The following AGAP1 variants were observed in gnomAD, a reference collection of about 807,000 sequenced individuals.
The protein encoded by AGAP1 is ArfGAP with GTPase domain, ankyrin repeat and PH domain 1, also known as arf-GAP with GTPase, ANK repeat and PH domain-containing protein 1.
Under a neutral mutation model 105.3 loss-of-function variants are expected in AGAP1, and 29 were observed. The observed-to-expected ratio is 0.28, with a 90% CI of 0.21 to 0.38. AGAP1 has a LOEUF of 0.38. AGAP1 is among the 10% of genes least tolerant of loss of function. AGAP1 has a pLI of 1.00. For missense variants in AGAP1, 998 were observed against 1,165.1 expected (o/e 0.86, Z 2.09); for synonymous variants, 509 against 485.9 (o/e 1.05, Z -0.63).
rs1258278575 is a variant in AGAP1, at chr2:235,887,770, T to G, written c.1155+4321T>G. 6.6e-6 allele frequency among the ~76,000 whole-genome samples: 1 copy of G among 152,246 alleles called. No individual in the cohort carries two copies. The highest frequency in any genetic ancestry group is 1.5e-5 in the Non-Finnish European group (1 of 68,046). On this transcript the variant is annotated intron_variant, in intron 10 of 17. Coordinates refer to ENST00000304032, the MANE Select transcript of AGAP1 (RefSeq NM_001037131.3). The surrounding 1 kb of genome is among the most constrained non-coding windows in gnomAD (Gnocchi z 4.1). ...TGCACCGATTCCTGGTGTATACCAC[T>G]AATTTAAGAAGCCCAGGTAATTAGT...
At chr2:235,798,564 C>T (rs1957348668) in intron 7 of AGAP1, among the ~76,000 whole-genome samples, 1 of 152,008 alleles carries the variant, frequency 6.6e-6, no homozygotes. Flanking sequence ...ATTGTCAGAG[C>T]CTGTCAAGGT....
rs565701985 is a variant in AGAP1, at chr2:235,631,475, C to T, written c.164-77704C>T. 5.9e-5 allele frequency among the ~76,000 whole-genome samples: 9 copies of T among 152,284 alleles called. No homozygotes were observed. The highest frequency in any genetic ancestry group is 2.1e-4 in the South Asian group (1 of 4,822). On this transcript the variant is annotated intron_variant, in intron 1 of 17. Coordinates refer to ENST00000304032, the MANE Select transcript of AGAP1 (RefSeq NM_001037131.3). The surrounding 1 kb of genome is among the most constrained non-coding windows in gnomAD (Gnocchi z 5.4). ...AGAGAGGGTTTCTGGGTCCCAGGAC[C>T]GGACTGCGTGGTCCTGGTTATACCT...
At chr2:235,525,218 C>G (rs150066149) in intron 1 of AGAP1, among the ~76,000 whole-genome samples, 1 of 152,058 alleles carries the variant, frequency 6.6e-6, no homozygotes, top group Non-Finnish European at 1.5e-5. Flanking sequence ...GTCTCCAATA[C>G]GAGAAAAAGA....
At position 235,931,291 on chromosome 2, in the gene AGAP1, G is replaced by A. The variant is rs1169036827; in HGVS notation, c.1483+368G>A. Among the ~76,000 whole-genome samples the A allele has an allele frequency of 2.0e-5, 3 of 152,096 alleles. No homozygotes were observed. Among genetic ancestry groups the A allele is most frequent in the African/African-American group, 4.8e-5 (2 of 41,418 alleles). Reference sequence around the variant, plus strand: ...CCCCAATCACACTGCCCTACGTGGCGTGGCCCACACTCTTCCACCACTAGT... The same window carrying A: ...CCCCAATCACACTGCCCTACGTGGCATGGCCCACACTCTTCCACCACTAGT... On this transcript the variant is annotated intron_variant, in intron 12 of 17. Transcript: ENST00000304032. The surrounding 1 kb of genome is among the most constrained non-coding windows in gnomAD (Gnocchi z 5.6).
chr2:235,957,876 C>T lies in AGAP1; in HGVS notation c.1484-10586C>T, dbSNP rs2054014361. On this transcript the variant is annotated intron_variant, in intron 12 of 17. Coordinates refer to ENST00000304032, the MANE Select transcript of AGAP1 (RefSeq NM_001037131.3). This position sits in a 1 kb window ranked among gnomAD's most constrained non-coding sequence, Gnocchi z 4.6. ...CCTCAACTGATTTCCTCTCCTGGCA[C>T]CTACAAATGGGCCTGTCTTTGATAA... 1.3e-5 allele frequency among the ~76,000 whole-genome samples: 2 copies of T among 152,196 alleles called. No homozygotes were observed. The highest frequency in any genetic ancestry group is 1.3e-4 in the Admixed American group (2 of 15,280).
At chr2:235,693,472 C>T (rs1370154838) in intron 1 of AGAP1, among the ~76,000 whole-genome samples, 1 of 152,210 alleles carries the variant, frequency 6.6e-6, no homozygotes, top group Non-Finnish European at 1.5e-5. Flanking sequence ...CCTGCACTCC[C>T]AGCAGCCAGG....
intron 1 of AGAP1, among the ~76,000 whole-genome samples, chr2:235,606,621 A>G (rs1187573397): frequency 6.6e-6 from 1 of 152,190 alleles, no homozygotes; most frequent in Admixed American, 6.5e-5. Context: ...GAAAGAAGGA[A>G]CACTGCTTAC....
At chr2:235,708,660 T>G (rs1157957580) in intron 1 of AGAP1, among the ~76,000 whole-genome samples, 3 of 152,198 alleles carry the variant, frequency 2.0e-5, no homozygotes, top group African/African-American at 7.2e-5. Flanking sequence ...AACACTGAAG[T>G]GTTAACTTAC....
intron 1 of AGAP1, among the ~76,000 whole-genome samples, chr2:235,536,142 TACACACACACACACACAC>T (rs58090095): frequency 6.1e-5 from 1 of 16,408 alleles, no homozygotes; most frequent in Non-Finnish European, 9.4e-5. Context: ...TGTGGCATCC[TACACACACACACACACAC>T]ACACACACAC....
intron 9 of AGAP1, among the ~76,000 whole-genome samples, chr2:235,826,938 T>G (rs537912960): frequency 6.6e-6 from 1 of 152,200 alleles, no homozygotes; most frequent in African/African-American, 2.4e-5. Flanking sequence ...TAACTTTGAT[T>G]AAGTTAGAGA....
Position 235,686,618 on chromosome 2 carries a change from T to TAG in AGAP1, c.164-22559_164-22558dup, listed in dbSNP as rs61705823. 2.7e-3 allele frequency among the ~76,000 whole-genome samples: 224 copies of TAG among 81,852 alleles called. 2 individuals carry two copies. Among genetic ancestry groups the TAG allele is most frequent in the Non-Finnish European group, 4.0e-3 (187 of 46,642 alleles). The allele number at this position is 81,852 out of a possible 152,430, so 53.7% of individuals were successfully genotyped here. ...GTGTGTATATATATACGTGGAGATA[T>TAG]AGATATATATATATATATATATATA... is the stretch of plus-strand genomic sequence containing the variant. On this transcript the variant is annotated intron_variant, in intron 1 of 17. Transcript: ENST00000304032.
At chr2:236,015,084 G>A (rs771727364) in intron 13 of AGAP1, among the ~76,000 whole-genome samples, 2 of 152,062 alleles carry the variant, frequency 1.3e-5, no homozygotes, top group African/African-American at 2.4e-5. Flanking sequence ...GTTCCTTTCA[G>A]CTTACTTAAA....
At position 235,751,086 on chromosome 2, in the gene AGAP1, G is replaced by A. The variant is rs74555998; in HGVS notation, c.673+598G>A. Reference sequence around the variant, plus strand: ...CAAATCAGACAGAAAATTCTCCTAGGAGAGCATGAGGTTCTGCAAGAGGGT... The same window carrying A: ...CAAATCAGACAGAAAATTCTCCTAGAAGAGCATGAGGTTCTGCAAGAGGGT... On this transcript the variant is annotated intron_variant, in intron 6 of 17. Coordinates refer to ENST00000304032, the MANE Select transcript of AGAP1 (RefSeq NM_001037131.3). This position sits in a 1 kb window ranked among gnomAD's most constrained non-coding sequence, Gnocchi z 5.3. 0.021 allele frequency among the ~76,000 whole-genome samples: 3,237 copies of A among 152,224 alleles called. 99 individuals carry two copies. The highest frequency in any genetic ancestry group is 0.067 in the African/African-American group (2,783 of 41,504).
rs141917502 is a variant in AGAP1, at chr2:235,742,205, C to G, written c.396+1157C>G. 8.4e-4 allele frequency among the ~76,000 whole-genome samples: 128 copies of G among 152,294 alleles called. 3 individuals carry two copies. The East Asian group carries it at 0.02, about 24-fold the overall frequency. Reference sequence around the variant, plus strand: ...TGTAAGATGGAGAAAGTGAAAGATACTGAATACAGGACTTCTTAGGCCTCA... The same window carrying G: ...TGTAAGATGGAGAAAGTGAAAGATAGTGAATACAGGACTTCTTAGGCCTCA... On this transcript the variant is annotated intron_variant, in intron 4 of 17. Transcript: ENST00000304032.
chr2:235,509,985 A>G (rs1327395246), intron 1 of AGAP1, among the ~76,000 whole-genome samples: 1 of 152,086 alleles, frequency 6.6e-6, no homozygotes, highest in East Asian at 1.9e-4. Flanking sequence ...TGAACAGCAC[A>G]TATGAGGGAT....
chr2:235,895,559 C>G (rs1203024758), intron 10 of AGAP1, among the ~76,000 whole-genome samples: 1 of 152,288 alleles, frequency 6.6e-6, no homozygotes, highest in Non-Finnish European at 1.5e-5. Flanking sequence ...CACACTCGGC[C>G]TATTTGGGCA....
At chr2:235,755,531 C>G (rs552911496) in intron 6 of AGAP1, among the ~76,000 whole-genome samples, 10 of 152,310 alleles carry the variant, frequency 6.6e-5, no homozygotes, top group Admixed American at 5.9e-4. Context: ...GCCTCTACCT[C>G]CCGGGTTCAA....
At position 235,830,656 on chromosome 2, in the gene AGAP1, C is replaced by G. The variant is rs1361865834; in HGVS notation, c.1050+23325C>G. Reference sequence around the variant, plus strand: ...ATGTTGGTAGGGGGTGGGGGTTGCACCTTGAGGTTTCTAGGCCAGCCCAGG... The same window carrying G: ...ATGTTGGTAGGGGGTGGGGGTTGCAGCTTGAGGTTTCTAGGCCAGCCCAGG... On this transcript the variant is annotated intron_variant, in intron 9 of 17. Coordinates refer to ENST00000304032, the MANE Select transcript of AGAP1 (RefSeq NM_001037131.3). This position sits in a 1 kb window ranked among gnomAD's most constrained non-coding sequence, Gnocchi z 5.5. Among the ~76,000 whole-genome samples, 1 of 152,022 alleles carries G rather than the reference C, an allele frequency of 6.6e-6. No homozygotes were observed. The highest frequency in any genetic ancestry group is 2.4e-5 in the African/African-American group (1 of 41,382).
At chr2:235,832,084 G>T (rs1294398160) in intron 9 of AGAP1, among the ~76,000 whole-genome samples, 1 of 152,106 alleles carries the variant, frequency 6.6e-6, no homozygotes, top group Non-Finnish European at 1.5e-5. Context: ...CTTTTCATGT[G>T]TTTATTTGCC....
Sources: gnomAD v4.1 joint callset for allele counts (sites outside exome capture counted in the v4.1 genomes callset) on GRCh38, gnomAD v4.1.1 for gene constraint, Gnocchi (gnomAD v3.1) non-coding constraint, MANE v1.5 for transcripts, NCBI Gene and HGNC (gene_info 2026-07-23, HGNC 2026-07-21) for gene names.